Variants in EIPR1 observed in about 807,000 individuals in gnomAD.
EIPR1 encodes EARP and GARP complex-interacting protein 1.
In EIPR1, 25 loss-of-function variants were observed where a neutral mutation model predicts 48.1. The ratio of observed to expected loss-of-function variants is 0.52; its 90% CI spans 0.38 to 0.73. The LOEUF is 0.73. EIPR1 is among the 30% of genes least tolerant of loss of function. EIPR1 has a pLI of 0.00. For synonymous variants in EIPR1, 204 were observed against 201.9 expected, an observed-to-expected ratio of 1.01 and a Z score of -0.09; for missense variants, 415 against 506.2, an observed-to-expected ratio of 0.82 and a Z score of 1.73.
chr2:3,349,120 C>G (rs1340163445), intron 2 of EIPR1, among the ~76,000 whole-genome samples: 1 of 152,248 alleles, frequency 6.6e-6, no homozygotes, highest in Admixed American at 6.5e-5. Flanking sequence ...AGAGCATACC[C>G]ATGGCACATG....
At chr2:3,199,642 A>G (rs56866977) in intron 5 of EIPR1, among the ~76,000 whole-genome samples, 2 of 146,602 alleles carry the variant, frequency 1.4e-5, no homozygotes, top group East Asian at 2.1e-4. Context: ...TCTGCATCTG[A>G]GCAGCTATGG....
intron 4 of EIPR1, among the ~76,000 whole-genome samples, chr2:3,254,302 G>A (rs1249844006): frequency 1.3e-5 from 2 of 152,182 alleles, no homozygotes; most frequent in Admixed American, 6.5e-5. Context: ...GGCATCACAC[G>A]TGCAGCAGCT....
chr2:3,322,425 C>T (rs917444753), intron 3 of EIPR1, among the ~76,000 whole-genome samples: 7 of 152,200 alleles, frequency 4.6e-5, no homozygotes, highest in African/African-American at 1.7e-4. Flanking sequence ...ATGTCTAGAG[C>T]AGGAAATAGA....
chr2:3,243,737 C>T (rs749280840), intron 4 of EIPR1, among the ~76,000 whole-genome samples: 11 of 152,294 alleles, frequency 7.2e-5, no homozygotes, highest in East Asian at 1.9e-4. Context: ...AGAAAAACAA[C>T]GGCCCTAATC....
chr2:3,350,722 A>T (rs1245835522), intron 2 of EIPR1, among the ~76,000 whole-genome samples: 1 of 152,206 alleles, frequency 6.6e-6, no homozygotes, highest in Non-Finnish European at 1.5e-5. Flanking sequence ...AAAACCAGCA[A>T]GTCAAAAACA....
At chr2:3,250,075 C>T (rs937692700) in intron 4 of EIPR1, among the ~76,000 whole-genome samples, 1 of 152,176 alleles carries the variant, frequency 6.6e-6, no homozygotes. Context: ...GAAGTCCCCA[C>T]AGAGTCCCCA....
intron 3 of EIPR1, among the ~76,000 whole-genome samples, chr2:3,263,836 A>G (rs527511020): frequency 8.0e-6 from 1 of 124,294 alleles, no homozygotes; most frequent in African/African-American, 3.2e-5. Flanking sequence ...ATGATGCTGC[A>G]GCACCATTAA....
At chr2:3,359,928 G>T (rs569864742) in intron 1 of EIPR1, among the ~76,000 whole-genome samples, 1 of 152,234 alleles carries the variant, frequency 6.6e-6, no homozygotes, top group East Asian at 1.9e-4. Flanking sequence ...ATGTGACTTC[G>T]CCTCTGCCTC....
In EIPR1 at chr2:3,286,349, A is replaced by G. The variant is rs1668185318; in HGVS notation, c.260-28894T>C. 6.6e-6 allele frequency among the ~76,000 whole-genome samples: 1 copy of G among 152,230 alleles called. No homozygotes were observed. Among genetic ancestry groups the G allele is most frequent in the South Asian group, 2.1e-4 (1 of 4,834 alleles). On this transcript the variant is annotated intron_variant, in intron 3 of 8. Coordinates refer to ENST00000382125, the MANE Select transcript of EIPR1 (RefSeq NM_003310.5). This position sits in a 1 kb window ranked among gnomAD's most constrained non-coding sequence, Gnocchi z 4.2. The stretch of plus-strand genomic sequence containing the variant: ...TCCTGTGTAAACGTGTGGCCGTGAC[A>G]TGGCCTCCGTTCAGCTCCAGGTGTC...
intron 3 of EIPR1, among the ~76,000 whole-genome samples, chr2:3,328,571 C>T (rs1327874827): frequency 1.3e-5 from 2 of 150,446 alleles, no homozygotes; most frequent in African/African-American, 2.5e-5. Flanking sequence ...CCTGGGCTCC[C>T]CTGGATCAGA....
chr2:3,293,319 G>C (rs879605576), intron 3 of EIPR1, among the ~76,000 whole-genome samples: 5 of 152,050 alleles, frequency 3.3e-5, no homozygotes, highest in Non-Finnish European at 7.4e-5. Context: ...TCCTCCAGGA[G>C]GCCCTTGGAA....
At chr2:3,277,578 G>A (rs996183848) in intron 3 of EIPR1, among the ~76,000 whole-genome samples, 5 of 152,188 alleles carry the variant, frequency 3.3e-5, no homozygotes, top group Non-Finnish European at 7.3e-5. Context: ...ACCCCAGGCC[G>A]TGGGAACTAC....
intron 3 of EIPR1, among the ~76,000 whole-genome samples, chr2:3,262,352 A>G (rs1001054412): frequency 6.6e-6 from 1 of 152,200 alleles, no homozygotes; most frequent in African/African-American, 2.4e-5. Context: ...CCTTGGCAAG[A>G]CGGCAGGAAA....
At chr2:3,285,069 C>A (rs1053616330) in intron 3 of EIPR1, among the ~76,000 whole-genome samples, 3 of 152,172 alleles carry the variant, frequency 2.0e-5, no homozygotes, top group Non-Finnish European at 2.9e-5. Flanking sequence ...CACGTCAGAC[C>A]ACCATGGAAA....
chr2:3,228,827 C>A (rs1351339654), intron 4 of EIPR1, among the ~76,000 whole-genome samples: 1 of 152,206 alleles, frequency 6.6e-6, no homozygotes, highest in Non-Finnish European at 1.5e-5. Context: ...TCCTGCCACT[C>A]TGTGAAGAAG....
chr2:3,193,141 G>A (rs1478751044), intron 7 of EIPR1, among the ~76,000 whole-genome samples: 4 of 152,238 alleles, frequency 2.6e-5, no homozygotes, highest in Non-Finnish European at 5.9e-5. Context: ...GACAGTGCCA[G>A]GCCCTTGACG....
At position 3,348,706 on chromosome 2, in the gene EIPR1, T is replaced by G. The variant is rs116416665; in HGVS notation, c.126+5844A>C. Among the ~76,000 whole-genome samples, 426 of 152,324 alleles carry G rather than the reference T, an allele frequency of 2.8e-3. 3 individuals are homozygous for G. Among genetic ancestry groups the G allele is most frequent in the African/African-American group, 9.3e-3 (388 of 41,576 alleles). ...GCGCAGCTGCATTATGCAGTAACGA[T>G]GCAGGTACCGGGCATTTTCCAGGGA... On this transcript the variant is annotated intron_variant, in intron 2 of 8. Coordinates refer to ENST00000382125, the MANE Select transcript of EIPR1 (RefSeq NM_003310.5).
At chr2:3,291,703 C>G (rs1190420458) in intron 3 of EIPR1, among the ~76,000 whole-genome samples, 1 of 152,164 alleles carries the variant, frequency 6.6e-6, no homozygotes, top group East Asian at 1.9e-4. Flanking sequence ...CATCCTTTCT[C>G]TCATTTAATC....
At chr2:3,271,580 A>C (rs1667702659) in intron 3 of EIPR1, among the ~76,000 whole-genome samples, 1 of 152,168 alleles carries the variant, frequency 6.6e-6, no homozygotes. Context: ...AATGGGGAGT[A>C]ATTTTCAAAA....
Sources: gnomAD v4.1 joint callset for allele counts (sites outside exome capture counted in the v4.1 genomes callset) on GRCh38, gnomAD v4.1.1 for gene constraint, Gnocchi (gnomAD v3.1) non-coding constraint, MANE v1.5 for transcripts, NCBI Gene and HGNC (gene_info 2026-07-23, HGNC 2026-07-21) for gene names.